Variants in HSP90AA1 observed in about 807,000 individuals in gnomAD.
HSP90AA1 encodes the protein heat shock protein HSP 90-alpha.
Under a neutral mutation model 73.3 loss-of-function variants are expected in HSP90AA1, and 18 were observed. That is an observed-to-expected ratio of 0.25 (90% CI 0.17 to 0.36). The LOEUF is 0.36. Among genes scored for constraint, HSP90AA1 ranks in the 10% least tolerant of loss-of-function variants. The pLI is 1.00. For missense variants in HSP90AA1, 704 were observed against 874.2 expected (o/e 0.81, Z 2.45); for synonymous variants, 477 against 296.9 (o/e 1.61, Z -6.24).
chr14:102,121,179 G>A (rs559411395), intron 1 of HSP90AA1, among the ~76,000 whole-genome samples: 8 of 152,082 alleles, frequency 5.3e-5, no homozygotes, highest in African/African-American at 1.4e-4. Flanking sequence ...TAGGATACAG[G>A]TGTGAGCCAC....
intron 1 of HSP90AA1, among the ~76,000 whole-genome samples, chr14:102,138,879 C>T (rs1337467341): frequency 6.6e-6 from 1 of 152,130 alleles, no homozygotes; most frequent in Non-Finnish European, 1.5e-5. Context: ...TAAATCTAGA[C>T]CCTGTACATT....
At chr14:102,098,368 G>A (rs2049451648) in intron 2 of HSP90AA1, among the ~76,000 whole-genome samples, 2 of 150,654 alleles carry the variant, frequency 1.3e-5, no homozygotes, top group Non-Finnish European at 2.9e-5. Flanking sequence ...CACCATATTG[G>A]CCAGGTTGGT....
chr14:102,080,838 G>A lies in HSP90AA1; in HGVS notation c.*874C>T, dbSNP rs544715118. On this transcript the variant is annotated 3_prime_UTR_variant, in exon 11 of 11. Transcript: ENST00000216281. ...AAGAGAACACATGTAACTCATGGACGCAGGGGATGCATGTTGTCTGCATTC... is the reference window on the plus strand; with the variant it reads ...AAGAGAACACATGTAACTCATGGACACAGGGGATGCATGTTGTCTGCATTC... 1 of 226,746 alleles carries A rather than the reference G, an allele frequency of 4.4e-6. No individual in the cohort carries two copies. Among genetic ancestry groups the A allele is most frequent in the East Asian group, 6.3e-5 (1 of 15,870 alleles). The allele number at this position is 226,746 out of a possible 1,614,324, so 14.0% of individuals were successfully genotyped here.
At chr14:102,082,684 G>C (rs1036900265) in intron 9 of HSP90AA1, 3 of 543,180 alleles carry the variant, frequency 5.5e-6, no homozygotes, top group East Asian at 3.3e-5. Flanking sequence ...GCAGTGGTGC[G>C]ATCTTGGCTC....
At chr14:102,127,269 C>T (rs1011315603) in intron 1 of HSP90AA1, among the ~76,000 whole-genome samples, 1 of 152,188 alleles carries the variant, frequency 6.6e-6, no homozygotes, top group African/African-American at 2.4e-5. Flanking sequence ...CCACAATGCT[C>T]ATTAAGCTGC....
At chr14:102,135,704 G>A (rs1258976520) in intron 1 of HSP90AA1, among the ~76,000 whole-genome samples, 1 of 152,272 alleles carries the variant, frequency 6.6e-6, no homozygotes, top group Non-Finnish European at 1.5e-5. Context: ...CAGCGCCGGT[G>A]GGCCGGCACT....
chr14:102,098,287 G>C (rs1029686237), intron 2 of HSP90AA1, among the ~76,000 whole-genome samples: 1 of 150,952 alleles, frequency 6.6e-6, no homozygotes, highest in Non-Finnish European at 1.5e-5. Context: ...TCAGCCTCCC[G>C]AGTAGCTGGG....
At chr14:102,138,864 C>T (rs924818041) in intron 1 of HSP90AA1, among the ~76,000 whole-genome samples, 33 of 152,096 alleles carry the variant, frequency 2.2e-4, no homozygotes, top group African/African-American at 5.8e-4. Context: ...GTGTGCCCGT[C>T]CTTATAAATC....
chr14:102,124,656 A>G (rs2049819884), intron 1 of HSP90AA1, among the ~76,000 whole-genome samples: 1 of 152,130 alleles, frequency 6.6e-6, no homozygotes, highest in Non-Finnish European at 1.5e-5. Context: ...CTCCTGCCTC[A>G]GCCTCCTGAT....
At chr14:102,097,656 G>T (rs1415969481) in intron 2 of HSP90AA1, among the ~76,000 whole-genome samples, 1 of 152,204 alleles carries the variant, frequency 6.6e-6, no homozygotes, top group African/African-American at 2.4e-5. Flanking sequence ...GGTGGGGTGG[G>T]TTAAAACTGA....
At chr14:102,086,776 G>A (rs1488013284) in intron 1 of HSP90AA1, among the ~76,000 whole-genome samples, 2 of 151,788 alleles carry the variant, frequency 1.3e-5, no homozygotes, top group East Asian at 2.0e-4. Context: ...AGAGCCTCGG[G>A]GAGCCCGCGG....
intron 1 of HSP90AA1, among the ~76,000 whole-genome samples, chr14:102,124,413 G>T (rs1476476363): frequency 2.6e-5 from 4 of 152,012 alleles, no homozygotes; most frequent in Non-Finnish European, 4.4e-5. Flanking sequence ...GGTTGGTCTT[G>T]AACTCCTAAC....
chr14:102,081,744 C>A lies in HSP90AA1; in HGVS notation c.2167G>T (p.Asp723Tyr). The A allele has an allele frequency of 6.3e-7, 1 of 1,588,012 alleles. No individual in the cohort carries two copies. The highest frequency in any genetic ancestry group is 8.6e-7 in the Non-Finnish European group (1 of 1,156,294). Residue 723 changes from aspartate to tyrosine, a missense_variant, in exon 11 of 11, where the codon GAC (aspartate) becomes TAC (tyrosine). Transcript: ENST00000216281. ...TEEMPPLEGDDDTSRMEEVD is the reference protein window; with the variant it reads ...TEEMPPLEGDYDTSRMEEVD ...ACTTCTTCCATGCGTGATGTGTCGT[C>A]ATCTCCTTCAAGGGGTGGCATTTCT...
intron 1 of HSP90AA1, among the ~76,000 whole-genome samples, chr14:102,134,737 A>G (rs945379812): frequency 2.6e-5 from 4 of 152,222 alleles, no homozygotes; most frequent in African/African-American, 9.6e-5. Context: ...GTTACAGCTC[A>G]TAAAAGCAGT....
rs765578002 is a variant in HSP90AA1 at position 102,085,399 on chromosome 14, G to A, written c.562C>T (p.Leu188=). 1.2e-5 allele frequency: 20 copies of A among 1,613,474 alleles called. No homozygotes were observed. In the South Asian group the frequency reaches 1.8e-4, roughly 14 times the overall value. The change falls in exon 4 of 11, where the codon CTA becomes TTA. Residue 188 remains leucine, a synonymous_variant. Transcript: ENST00000216281. ...TCAGTTTGGTCTTCTTTCAGGTGTA[G>A]GATAACTTTTGTTCCACGACCCATA... ...EPMGRGTKVI[L]HLKEDQTEYL...
exon 1 of HSP90AA1, chr14:102,139,646 C>G: frequency 1.6e-6 from 1 of 644,548 alleles, no homozygotes; most frequent in South Asian, 2.0e-5. Flanking sequence ...CTGAAGCCGG[C>G]ATCACCTGGG....
intron 1 of HSP90AA1, among the ~76,000 whole-genome samples, chr14:102,109,311 CGG>C (rs2049609871): frequency 6.6e-6 from 1 of 152,188 alleles, no homozygotes; most frequent in South Asian, 2.1e-4. Context: ...ATCCCTGATA[CGG>C]TTTGGCTGTG....
intron 1 of HSP90AA1, among the ~76,000 whole-genome samples, chr14:102,115,566 AAC>A (rs1454512678): frequency 6.6e-6 from 1 of 152,020 alleles, no homozygotes; most frequent in Non-Finnish European, 1.5e-5. Flanking sequence ...ATACCTTGTA[AAC>A]AGTTATCAAA....
chr14:102,110,283 T>C (rs1400408504), intron 1 of HSP90AA1, among the ~76,000 whole-genome samples: 1 of 152,190 alleles, frequency 6.6e-6, no homozygotes, highest in Non-Finnish European at 1.5e-5. Flanking sequence ...GCTCCTGCCC[T>C]GCCCTAAAGA....
Sources: gnomAD v4.1 joint callset for allele counts (sites outside exome capture counted in the v4.1 genomes callset) on GRCh38, gnomAD v4.1.1 for gene constraint, MANE v1.5 for transcripts, NCBI Gene and HGNC (gene_info 2026-07-23, HGNC 2026-07-21) for gene names.